Variants in RAD51B observed in about 807,000 individuals in gnomAD.
RAD51B encodes the protein RAD51 paralog B.
Under a neutral mutation model 42.2 loss-of-function variants are expected in RAD51B, and 38 were observed. The observed-to-expected ratio is 0.90, with a 90% CI of 0.70 to 1.18. RAD51B has a LOEUF of 1.18. Ranked by LOEUF, RAD51B falls within the 50% of genes most tolerant of loss-of-function variation. The pLI is 0.00. For missense variants in RAD51B, 373 were observed against 400.7 expected, an observed-to-expected ratio of 0.93 and a Z score of 0.59; for synonymous variants, 154 against 145.2, an observed-to-expected ratio of 1.06 and a Z score of -0.43.
At chr14:68,569,627 C>T (rs555595356) in intron 10 of RAD51B, among the ~76,000 whole-genome samples, 1 of 152,344 alleles carries the variant, frequency 6.6e-6, no homozygotes, top group South Asian at 2.1e-4. Context: ...CTATGGGACA[C>T]CTCTGCCCGC....
intron 7 of RAD51B, among the ~76,000 whole-genome samples, chr14:67,890,804 TTTTC>T (rs1253714482): frequency 6.6e-6 from 1 of 152,134 alleles, no homozygotes; most frequent in African/African-American, 2.4e-5. Flanking sequence ...ATTGGAATAT[TTTTC>T]TTTATCTTTT....
chr14:68,541,558 G>C, intron 10 of RAD51B: 1 of 985,458 alleles, frequency 1.0e-6, no homozygotes. Flanking sequence ...GTTGAGTCTA[G>C]ATGGCATGCG....
intron 8 of RAD51B, among the ~76,000 whole-genome samples, chr14:68,359,779 G>T (rs1315616370): frequency 6.6e-6 from 1 of 152,210 alleles, no homozygotes; most frequent in Non-Finnish European, 1.5e-5. Flanking sequence ...AGTGGTGGTG[G>T]TTCTTTGCCA....
intron 7 of RAD51B, among the ~76,000 whole-genome samples, chr14:68,139,326 G>A (rs896018246): frequency 6.6e-6 from 1 of 150,730 alleles, no homozygotes; most frequent in Non-Finnish European, 1.5e-5. Flanking sequence ...ATTGAACCTT[G>A]TACTTTGTGT....
At chr14:67,822,331 G>T (rs1198244820) in intron 1 of RAD51B, 1 of 151,996 alleles carries the variant, frequency 6.6e-6, no homozygotes, top group Non-Finnish European at 1.5e-5. Flanking sequence ...CCCTAGCAAG[G>T]TACAATAGTG....
chr14:67,925,739 T>C (rs2044484433), intron 7 of RAD51B, among the ~76,000 whole-genome samples: 2 of 152,220 alleles, frequency 1.3e-5, no homozygotes, highest in African/African-American at 2.4e-5. Context: ...TGCCTGGGCA[T>C]CCAGATGTTT....
At position 67,983,576 on chromosome 14, in the gene RAD51B, A is replaced by C. The variant is rs1048271378; in HGVS notation, c.756+96372A>C. 8.0e-4 allele frequency among the ~76,000 whole-genome samples: 122 copies of C among 152,314 alleles called. 1 individual carries two copies. Among genetic ancestry groups the C allele is most frequent in the African/African-American group, 2.9e-3 (121 of 41,574 alleles). On this transcript the variant is annotated intron_variant, in intron 7 of 10. Coordinates refer to ENST00000471583, the MANE Select transcript of RAD51B (RefSeq NM_133510.4). ...AAATATTATCAAATTAGGAAATAGC[A>C]GACACTAGGGATGGTTTTTACTATA...
At chr14:68,431,193 G>T (rs1000913646) in intron 9 of RAD51B, among the ~76,000 whole-genome samples, 1 of 152,314 alleles carries the variant, frequency 6.6e-6, no homozygotes, top group African/African-American at 2.4e-5. Flanking sequence ...GTTCATCAGG[G>T]ATATTGGTCT....
intron 8 of RAD51B, among the ~76,000 whole-genome samples, chr14:68,382,401 C>T (rs978917929): frequency 1.3e-5 from 2 of 152,166 alleles, no homozygotes; most frequent in South Asian, 2.1e-4. Flanking sequence ...TTGACATCAG[C>T]GCCATAAGAT....
intron 7 of RAD51B, among the ~76,000 whole-genome samples, chr14:68,115,080 A>G (rs2140601576): frequency 7.1e-6 from 1 of 141,414 alleles, no homozygotes; most frequent in South Asian, 2.1e-4. Context: ...ATGCTGCTAT[A>G]AAGACACATG....
chr14:68,216,591 C>T lies in RAD51B; in HGVS notation c.757-75293C>T, dbSNP rs1206003552. 3.9e-5 allele frequency among the ~76,000 whole-genome samples: 6 copies of T among 152,328 alleles called. No homozygotes were observed. The South Asian group carries it at 8.3e-4, about 21-fold the overall frequency. On this transcript the variant is annotated intron_variant, in intron 7 of 10. Coordinates refer to ENST00000471583, the MANE Select transcript of RAD51B (RefSeq NM_133510.4). The stretch of plus-strand genomic sequence containing the variant: ...TCCCTGAAAGATTTCCCAAATAAGG[C>T]TGTCAAAGTCTTCTTAAAGAATCCC...
At chr14:68,548,675 C>G (rs185167627) in intron 10 of RAD51B, among the ~76,000 whole-genome samples, 2 of 152,326 alleles carry the variant, frequency 1.3e-5, no homozygotes, top group East Asian at 3.9e-4. Flanking sequence ...CTGGTTAGCA[C>G]AGAGCATCAC....
At chr14:68,260,499 A>C (rs1751344541) in intron 7 of RAD51B, among the ~76,000 whole-genome samples, 1 of 152,142 alleles carries the variant, frequency 6.6e-6, no homozygotes, top group African/African-American at 2.4e-5. Flanking sequence ...GGAAAGCTGT[A>C]TTATTATGGT....
chr14:68,368,513 G>A (rs993676025), intron 8 of RAD51B, among the ~76,000 whole-genome samples: 5 of 152,124 alleles, frequency 3.3e-5, no homozygotes, highest in Admixed American at 2.0e-4. Flanking sequence ...ATAATGCCTG[G>A]GTGCTTCTAG....
intron 5 of RAD51B, among the ~76,000 whole-genome samples, chr14:67,883,194 A>T (rs769189400): frequency 6.6e-6 from 1 of 151,992 alleles, no homozygotes; most frequent in Non-Finnish European, 1.5e-5. Flanking sequence ...CCTTGCTTTC[A>T]TTCTTGCCCA....
chr14:67,995,339 A>C (rs10138719), intron 7 of RAD51B, among the ~76,000 whole-genome samples: 9,098 of 152,072 alleles, frequency 0.06, 642 homozygotes, highest in African/African-American at 0.17. Context: ...GTGAGCCGAG[A>C]TCACGCCACT....
At chr14:68,000,425 G>T (rs1427526216) in intron 7 of RAD51B, 1 of 152,056 alleles carries the variant, frequency 6.6e-6, no homozygotes, top group Non-Finnish European at 1.5e-5. Flanking sequence ...TGGTATGTTC[G>T]CATTTAGTAC....
chr14:68,015,272 A>G (rs1407795232), intron 7 of RAD51B, among the ~76,000 whole-genome samples: 3 of 152,218 alleles, frequency 2.0e-5, no homozygotes, highest in Non-Finnish European at 4.4e-5. Context: ...TATTAAAAGC[A>G]TGACATTTAT....
intron 10 of RAD51B, among the ~76,000 whole-genome samples, chr14:68,645,103 T>C (rs558114631): frequency 6.6e-6 from 1 of 152,296 alleles, no homozygotes; most frequent in East Asian, 1.9e-4. Flanking sequence ...ACTAGAGCAT[T>C]TTGATCTTTC....
Sources: allele counts gnomAD v4.1 joint callset (sites outside exome capture counted in the v4.1 genomes callset), GRCh38; gene constraint gnomAD v4.1.1; transcripts MANE v1.5; gene names NCBI Gene and HGNC (gene_info 2026-07-23, HGNC 2026-07-21).